Variants in INO80 observed in about 807,000 individuals in gnomAD.
The protein encoded by INO80 is chromatin-remodeling ATPase INO80.
Under a neutral mutation model 203.4 loss-of-function variants are expected in INO80, and 20 were observed. That is an observed-to-expected ratio of 0.10 (90% CI 0.07 to 0.14). The LOEUF is 0.14. Ranked by LOEUF, INO80 falls within the 10% of genes least tolerant of loss-of-function variation. The pLI, the probability that INO80 is intolerant of heterozygous loss-of-function variation, is 1.00. For missense variants in INO80, 1,419 were observed against 1,914.4 expected, an observed-to-expected ratio of 0.74 and a Z score of 4.83; for synonymous variants, 726 against 685.2, an observed-to-expected ratio of 1.06 and a Z score of -0.93.
chr15:40,985,409 C>T lies in INO80; in HGVS notation c.3850G>A (p.Glu1284Lys). The T allele has an allele frequency of 1.2e-6, 2 of 1,613,790 alleles. No homozygotes were observed. The highest frequency in any genetic ancestry group is 1.7e-6 in the Non-Finnish European group (2 of 1,179,736). Residue 1284 changes from glutamate to lysine, a missense_variant, in exon 32 of 36, where the codon GAG becomes AAG. Physicochemically the swap from Glu to Lys is moderately conservative, Grantham distance 56. Transcript: ENST00000648947. ...TTGGTTTCCTCCTGTTGCCGTTTCT[C>T]TTCCTGCCGCAGCCTCACTATCAAG... is the stretch of plus-strand genomic sequence containing the variant. ...LEKKLRLRQE[E>K]KRQQEETNRV...
chr15:41,015,045 T>C (rs1467314878), intron 27 of INO80, among the ~76,000 whole-genome samples: 1 of 152,224 alleles, frequency 6.6e-6, no homozygotes, highest in African/African-American at 2.4e-5. Context: ...AAAGACTTAT[T>C]GTACTAGTTT....
At chr15:41,071,280 T>G (rs2045309277) in intron 12 of INO80, among the ~76,000 whole-genome samples, 1 of 152,172 alleles carries the variant, frequency 6.6e-6, no homozygotes, top group African/African-American at 2.4e-5. Context: ...AGTTCTAGGG[T>G]ACATGTGCAC....
chr15:40,989,212 G>C (rs2043784163), intron 29 of INO80, among the ~76,000 whole-genome samples: 1 of 152,164 alleles, frequency 6.6e-6, no homozygotes, highest in African/African-American at 2.4e-5. Context: ...CTGGAAACAG[G>C]CATGGCTTTC....
At chr15:41,058,582 T>A in intron 16 of INO80, 57 bp downstream of exon 16, 2 of 1,367,260 alleles carry the variant, frequency 1.5e-6, no homozygotes, top group Non-Finnish European at 2.1e-6. Flanking sequence ...TGTGTGTGTG[T>A]GTGTGTGTGT....
chr15:41,053,074 A>G (rs2044911520), intron 19 of INO80, among the ~76,000 whole-genome samples: 1 of 151,994 alleles, frequency 6.6e-6, no homozygotes. Context: ...AGACCATCCA[A>G]ATGCTATGTA....
At chr15:41,087,703 G>C (rs928987034) in intron 5 of INO80, 21 bp from the exon 6 acceptor site, 2 of 1,602,222 alleles carry the variant, frequency 1.2e-6, no homozygotes, top group African/African-American at 1.3e-5. Context: ...CAAAGACCAT[G>C]ATGGGCCTGT....
At chr15:41,062,235 T>C (rs1275144071) in intron 14 of INO80, among the ~76,000 whole-genome samples, 1 of 152,112 alleles carries the variant, frequency 6.6e-6, no homozygotes, top group Non-Finnish European at 1.5e-5. Context: ...ATCCAGAAAG[T>C]AGTAACTCTT....
In INO80 at chr15:41,005,695, C is replaced by G. The variant is rs1273210194; in HGVS notation, c.3403-8G>C. 4.0e-6 allele frequency: 6 copies of G among 1,497,428 alleles called. No individual in the cohort carries two copies. The highest frequency in any genetic ancestry group is 5.6e-6 in the Non-Finnish European group (6 of 1,075,916). The allele number at this position is 1,497,428 out of a possible 1,614,324, so 92.8% of individuals were successfully genotyped here. On this transcript the variant is annotated splice_polypyrimidine_tract_variant and splice_region_variant and intron_variant, in intron 27 of 35. Coordinates refer to ENST00000648947, the MANE Select transcript of INO80 (RefSeq NM_017553.3). ...CCTGTAAACCATGTATTCCTGCCAACCAGGATAAAAGGACACAGTAAATCT... is the reference window on the plus strand; with the variant it reads ...CCTGTAAACCATGTATTCCTGCCAAGCAGGATAAAAGGACACAGTAAATCT...
intron 29 of INO80, among the ~76,000 whole-genome samples, chr15:40,994,714 G>C (rs2043858504): frequency 6.6e-6 from 1 of 151,986 alleles, no homozygotes; most frequent in Admixed American, 6.6e-5. Flanking sequence ...CTCCTCTCCT[G>C]CCACTGGAAA....
intron 29 of INO80, among the ~76,000 whole-genome samples, chr15:40,993,428 C>A (rs1004331145): frequency 6.6e-5 from 10 of 152,092 alleles, no homozygotes; most frequent in Non-Finnish European, 1.3e-4. Context: ...CCTCATACAG[C>A]CTCTTAAATA....
chr15:41,071,446 T>G (rs12915993), intron 12 of INO80, among the ~76,000 whole-genome samples: 1 of 142,486 alleles, frequency 7.0e-6, no homozygotes, highest in South Asian at 2.3e-4. Context: ...TGTACTCATT[T>G]CCTTTTTTTT....
chr15:40,980,579 T>G (rs1893790389), intron 35 of INO80, 139 bp from the exon 36 acceptor site: 1 of 640,612 alleles, frequency 1.6e-6, no homozygotes, highest in Admixed American at 2.7e-5. Context: ...GCTAACAACT[T>G]CTTGGCATGT....
chr15:40,983,644 C>T, intron 34 of INO80, 118 bp downstream of exon 34: 2 of 866,596 alleles, frequency 2.3e-6, no homozygotes, highest in Non-Finnish European at 3.5e-6. Context: ...TTTCACTTGA[C>T]AAAGCTATTG....
intron 27 of INO80, chr15:41,011,683 G>A (rs1324621320): frequency 6.6e-6 from 1 of 151,942 alleles, no homozygotes; most frequent in East Asian, 1.9e-4. Flanking sequence ...CATTCCATGG[G>A]GCATTTTCAG....
chr15:41,089,245 G>A (rs1042139213), intron 5 of INO80, among the ~76,000 whole-genome samples: 2 of 151,956 alleles, frequency 1.3e-5, no homozygotes, highest in Non-Finnish European at 2.9e-5. Flanking sequence ...TACTTGGAGC[G>A]CCAAGTACCT....
At chr15:41,047,795 AAAAAG>A (rs1262763285) in intron 22 of INO80, among the ~76,000 whole-genome samples, 6 of 152,178 alleles carry the variant, frequency 3.9e-5, no homozygotes, top group African/African-American at 1.4e-4. Context: ...CAATGCTAGG[AAAAAG>A]AAAAGGACAG....
At chr15:41,083,712 CAAAAAAAAA>C (rs10706037) in intron 7 of INO80, among the ~76,000 whole-genome samples, 25 of 85,632 alleles carry the variant, frequency 2.9e-4, no homozygotes, top group African/African-American at 9.0e-4. Flanking sequence ...GACTCCGTCT[CAAAAAAAAA>C]AAAAAAAAAA....
intron 27 of INO80, among the ~76,000 whole-genome samples, chr15:41,008,634 T>C (rs1244859446): frequency 6.6e-6 from 1 of 152,192 alleles, no homozygotes. Flanking sequence ...AAGCTGTAGC[T>C]GGAAAAAGCT....
At chr15:40,999,784 GTAT>G (rs2043932956) in intron 28 of INO80, among the ~76,000 whole-genome samples, 1 of 152,148 alleles carries the variant, frequency 6.6e-6, no homozygotes, top group African/African-American at 2.4e-5. Flanking sequence ...CCAAAGAAGA[GTAT>G]TTAACCACAA....
Sources: gnomAD v4.1 joint callset for allele counts (sites outside exome capture counted in the v4.1 genomes callset) on GRCh38, gnomAD v4.1.1 for gene constraint, MANE v1.5 for transcripts, NCBI Gene and HGNC (gene_info 2026-07-23, HGNC 2026-07-21) for gene names.